WDCP: variants seen among roughly 807,000 people sequenced by gnomAD.
WDCP encodes the protein WD repeat and coiled-coil-containing protein.
In WDCP, 19 loss-of-function variants were observed where a neutral mutation model predicts 41.6. The observed-to-expected ratio is 0.46, with a 90% CI of 0.32 to 0.67. The LOEUF (loss-of-function observed/expected upper bound fraction) is 0.67. Among genes scored for constraint, WDCP ranks in the 30% least tolerant of loss-of-function variants. The pLI is 0.04. For synonymous variants in WDCP, 302 were observed against 320.8 expected (o/e 0.94, Z 0.63); for missense variants, 802 against 850.7 (o/e 0.94, Z 0.71).
Position 24,030,763 on chromosome 2 carries a change from A to G in WDCP, c.*170T>C. The G allele has an allele frequency of 1.6e-6, 1 of 610,770 alleles. No homozygotes were observed. The highest frequency in any genetic ancestry group is 2.8e-5 in the East Asian group (1 of 36,256). The allele number at this position is 610,770 out of a possible 1,614,324, so 37.8% of individuals were successfully genotyped here. A position where few individuals can be genotyped will look rare whatever the true frequency, so the allele number is the denominator to read the frequency against. ...TCTAATAAAGACTGAGCTCTGCTAC[A>G]CAGCAGCGAGCCTCAGCTCAGGGGA... On this transcript the variant is annotated 3_prime_UTR_variant, in exon 4 of 4. Transcript: ENST00000295148.
At chr2:24,034,997 AATAAT>A (rs1663201252) in intron 2 of WDCP, among the ~76,000 whole-genome samples, 2 of 151,630 alleles carry the variant, frequency 1.3e-5, no homozygotes, top group African/African-American at 2.4e-5. Flanking sequence ...AAATTTTAAA[AATAAT>A]ATATTTTTAT....
chr2:24,039,619 G>A (rs1293158484), intron 1 of WDCP, 107 bp from the exon 2 acceptor site: 2 of 968,450 alleles, frequency 2.1e-6, no homozygotes, highest in Non-Finnish European at 3.0e-6. Context: ...TTAATAATGT[G>A]GAGAGACAAA....
At chr2:24,040,344 CAACTTTT>C (rs1179425964) in intron 1 of WDCP, among the ~76,000 whole-genome samples, 17 of 152,292 alleles carry the variant, frequency 1.1e-4, no homozygotes, top group African/African-American at 3.8e-4. Flanking sequence ...ATGGTACTTT[CAACTTTT>C]AAGTTAGAAA....
chr2:24,034,686 A>G (rs1255191932), intron 2 of WDCP, among the ~76,000 whole-genome samples: 1 of 151,076 alleles, frequency 6.6e-6, no homozygotes, highest in Non-Finnish European at 1.5e-5. Context: ...TGATCCTCAC[A>G]CCTCAGCCTC....
At position 24,035,737 on chromosome 2, in the gene WDCP, A is replaced by C. The variant is rs1355170261; in HGVS notation, c.1818+1940T>G. On this transcript the variant is annotated intron_variant, in intron 2 of 3. Coordinates refer to ENST00000295148, the MANE Select transcript of WDCP (RefSeq NM_025203.3). ...CCAAACAAGCCTGGGCAACATAGCA[A>C]GACCTTGTCTCTATAGTTAAAAAAA... is the stretch of plus-strand genomic sequence containing the variant. Among the ~76,000 whole-genome samples the C allele has an allele frequency of 2.6e-5, 4 of 151,884 alleles. No individual in the cohort carries two copies. In the South Asian group the frequency reaches 6.2e-4, roughly 24 times the overall value.
At chr2:24,045,933 A>T (rs183457866) in intron 1 of WDCP, 10 of 152,258 alleles carry the variant, frequency 6.6e-5, no homozygotes, top group Admixed American at 6.5e-4. Flanking sequence ...AGCGTTCCAT[A>T]AAAAAGGAAA....
rs1558330813 is a variant in WDCP at position 24,031,139 on chromosome 2, C to A, written c.1960G>T (p.Ala654Ser). ...AACGGGATAAAGCCCTCACTGTCAG[C>A]AGAGAGAAGAATCCAGTGGGAATCT... is the stretch of plus-strand genomic sequence containing the variant. ...LHDSHWILLS[A>S]DSEGFIPLTF... Residue 654 changes from alanine (A) to serine (S), a missense_variant, in exon 4 of 4, where the codon GCT becomes TCT. By Grantham distance (99) the Ala-to-Ser change is moderately conservative. This residue lies in a region of WDCP where 321 missense variants were observed against 305.1 expected (regional missense o/e 1.05). Coordinates refer to ENST00000295148, the MANE Select transcript of WDCP (RefSeq NM_025203.3). 1 of 1,613,776 alleles carries A rather than the reference C, an allele frequency of 6.2e-7. No homozygotes were observed. Among genetic ancestry groups the A allele is most frequent in the Non-Finnish European group, 8.5e-7 (1 of 1,179,766 alleles).
In WDCP at chr2:24,030,869, G is replaced by A. The variant is rs1663079545; in HGVS notation, c.*64C>T. 7.7e-7 allele frequency: 1 copy of A among 1,294,382 alleles called. No homozygotes were observed. The highest frequency in any genetic ancestry group is 1.8e-5 in the Admixed American group (1 of 54,372). 80.2% of individuals were successfully genotyped at this position (1,294,382 alleles called of 1,614,324 possible). A position where few individuals can be genotyped will look rare whatever the true frequency, so the allele number is the denominator to read the frequency against. On this transcript the variant is annotated 3_prime_UTR_variant, in exon 4 of 4. Coordinates refer to ENST00000295148, the MANE Select transcript of WDCP (RefSeq NM_025203.3). Reference sequence around the variant, plus strand: ...GGAGTCTCATTGGCGAGTGTCCAGTGTCAAGCAGGCCTTGTTTGTAATGGT... The same window carrying A: ...GGAGTCTCATTGGCGAGTGTCCAGTATCAAGCAGGCCTTGTTTGTAATGGT...
At chr2:24,043,575 T>TA (rs1461102494) in intron 1 of WDCP, among the ~76,000 whole-genome samples, 4 of 152,214 alleles carry the variant, frequency 2.6e-5, no homozygotes, top group Non-Finnish European at 5.9e-5. Flanking sequence ...AGTTATCAAA[T>TA]AGTTGTGTAA....
intron 2 of WDCP, among the ~76,000 whole-genome samples, chr2:24,034,891 A>G (rs1317862422): frequency 1.3e-5 from 2 of 152,088 alleles, no homozygotes; most frequent in East Asian, 1.9e-4. Flanking sequence ...GGTTGTTTTA[A>G]CCTTAGTTTT....
chr2:24,034,661 C>T (rs986153145), intron 2 of WDCP, among the ~76,000 whole-genome samples: 13 of 150,254 alleles, frequency 8.7e-5, no homozygotes, highest in African/African-American at 3.2e-4. Flanking sequence ...GCAGCCTCAA[C>T]CTCCTCAGCT....
At chr2:24,045,525 C>T (rs747874169) in intron 1 of WDCP, among the ~76,000 whole-genome samples, 4 of 150,096 alleles carry the variant, frequency 2.7e-5, no homozygotes, top group East Asian at 4.0e-4. Flanking sequence ...CGCTTGAACC[C>T]GGCTGGCGGA....
intron 3 of WDCP, among the ~76,000 whole-genome samples, chr2:24,031,758 G>A (rs903157207): frequency 4.0e-5 from 6 of 151,810 alleles, no homozygotes; most frequent in African/African-American, 9.7e-5. Context: ...CCCAGGAGGC[G>A]GAGGTTGCAG....
Position 24,030,621 on chromosome 2 carries a change from C to A in WDCP, c.*312G>T. 3.8e-6 allele frequency: 1 copy of A among 264,852 alleles called. No homozygotes were observed. The allele number at this position is 264,852 out of a possible 1,614,324, so 16.4% of individuals were successfully genotyped here. ...CAGCTTTGGACAAGGGACACAAAGC[C>A]TCAGAGAAACCATAAAACACCATCC... is the stretch of plus-strand genomic sequence containing the variant. On this transcript the variant is annotated 3_prime_UTR_variant, in exon 4 of 4. Transcript: ENST00000295148.
At position 24,031,030 on chromosome 2, in the gene WDCP, C is replaced by T. The variant is rs1212545759; in HGVS notation, c.2069G>A (p.Ser690Asn). ...SDVFRDSFSHSPGAVSSLKVF... is the reference protein window; with the variant it reads ...SDVFRDSFSHNPGAVSSLKVF... ...TTTAAGAGAAGAAACAGCACCTGGA[C>T]TGTGAGAAAAAGAGTCTCTGAAGAC... Residue 690 changes from serine (S) to asparagine (N), a missense_variant, in exon 4 of 4, where the codon AGT (serine) becomes AAT (asparagine). By Grantham distance (46) the Ser-to-Asn change is conservative (BLOSUM62 1). Transcript: ENST00000295148. 2 of 1,614,218 alleles carry T rather than the reference C, an allele frequency of 1.2e-6. No homozygotes were observed. The highest frequency in any genetic ancestry group is 2.2e-5 in the East Asian group (1 of 44,890).
chr2:24,042,310 G>A (rs1037130484), intron 1 of WDCP, among the ~76,000 whole-genome samples: 1 of 152,072 alleles, frequency 6.6e-6, no homozygotes, highest in African/African-American at 2.4e-5. Flanking sequence ...GGCCGAGGCA[G>A]GCGGATCACG....
At position 24,029,928 on chromosome 2, in the gene WDCP, A is replaced by G. The variant is rs1398791164; in HGVS notation, c.*1005T>C. 6.6e-6 allele frequency: 1 copy of G among 152,642 alleles called. No individual in the cohort carries two copies. Among genetic ancestry groups the G allele is most frequent in the African/African-American group, 2.4e-5 (1 of 41,460 alleles). 9.5% of individuals were successfully genotyped at this position (152,642 alleles called of 1,614,324 possible). A position where few individuals can be genotyped will look rare whatever the true frequency, so the allele number is the denominator to read the frequency against. Reference sequence around the variant, plus strand: ...CCTGACTAAGCTGGTACTTTAGCCCATAAGTGAAACAAAATGGCACTTTTT... The same window carrying G: ...CCTGACTAAGCTGGTACTTTAGCCCGTAAGTGAAACAAAATGGCACTTTTT... On this transcript the variant is annotated 3_prime_UTR_variant, in exon 4 of 4. Coordinates refer to ENST00000295148, the MANE Select transcript of WDCP (RefSeq NM_025203.3).
At position 24,038,318 on chromosome 2, in the gene WDCP, A is replaced by T; in HGVS notation, c.1177T>A (p.Phe393Ile). 1 of 1,614,228 alleles carries T rather than the reference A, an allele frequency of 6.2e-7. No individual in the cohort carries two copies. Among genetic ancestry groups the T allele is most frequent in the South Asian group, 1.1e-5 (1 of 91,080 alleles). Reference sequence around the variant, plus strand: ...ATTAGTAATAGTTGGTCTGTCAAGAAACATATCCCTTTTGGTCTTTCAGTG... The same window carrying T: ...ATTAGTAATAGTTGGTCTGTCAAGATACATATCCCTTTTGGTCTTTCAGTG... Reference protein sequence around the residue: ...ENTERPKGICFLTDQLLLILV... With the variant: ...ENTERPKGICILTDQLLLILV... Residue 393 changes from phenylalanine (F) to isoleucine (I), a missense_variant, in exon 2 of 4, where the codon TTC becomes ATC. Coordinates refer to ENST00000295148, the MANE Select transcript of WDCP (RefSeq NM_025203.3).
chr2:24,038,258 ATGT>A lies in WDCP; in HGVS notation c.1234_1236del (p.Thr412del). 1.2e-6 allele frequency: 2 copies of A among 1,614,174 alleles called. No individual in the cohort carries two copies. Among genetic ancestry groups the A allele is most frequent in the Non-Finnish European group, 1.7e-6 (2 of 1,180,002 alleles). On this transcript the variant is annotated inframe_deletion, in exon 2 of 4. Coordinates refer to ENST00000295148, the MANE Select transcript of WDCP (RefSeq NM_025203.3). Reference sequence around the variant, plus strand: ...TGATCAGACTTTGAAGAAGGAAGAAATGTTGTATCAGTGAGTTTTTGTTTTCCT... The same window carrying A: ...TGATCAGACTTTGAAGAAGGAAGAAATGTATCAGTGAGTTTTTGTTTTCCT...
Sources: gnomAD v4.1 joint callset for allele counts (sites outside exome capture counted in the v4.1 genomes callset) on GRCh38, gnomAD v4.1.1 for gene constraint, gnomAD v4.1.1 regional missense constraint, MANE v1.5 for transcripts, NCBI Gene and HGNC (gene_info 2026-07-23, HGNC 2026-07-21) for gene names.